VSX1: variants seen among roughly 807,000 people sequenced by gnomAD.
VSX1 encodes the protein homeodomain protein RINX.
A neutral mutation model predicts 23.6 loss-of-function variants in VSX1; 23 were observed. The ratio of observed to expected loss-of-function variants is 0.97; its 90% CI spans 0.70 to 1.38. VSX1 has a LOEUF of 1.38. Among genes scored for constraint, VSX1 ranks in the 40% most tolerant of loss-of-function variants. The pLI is 0.00. For missense variants in VSX1, 517 were observed against 495.4 expected (o/e 1.04, Z -0.41); for synonymous variants, 247 against 215.1 (o/e 1.15, Z -1.30).
Position 25,078,820 on chromosome 20 carries a change from C to A in VSX1, c.627+9G>T. 6.2e-7 allele frequency: 1 copy of A among 1,614,022 alleles called. No homozygotes were observed. Among genetic ancestry groups the A allele is most frequent in the Non-Finnish European group, 8.5e-7 (1 of 1,180,006 alleles). ...TATCTTTGGAGCGGAGAAAAGGGAC[C>A]CCAGACACCTGTATCCGGTCTTCGG... On this transcript the variant is annotated intron_variant, in intron 3 of 4. Coordinates refer to ENST00000376709, the MANE Select transcript of VSX1 (RefSeq NM_014588.6).
In VSX1 at chr20:25,081,963, G is replaced by T; in HGVS notation, c.134C>A (p.Ala45Glu). The T allele has an allele frequency of 2.6e-6, 4 of 1,532,842 alleles. No homozygotes were observed. Among genetic ancestry groups the T allele is most frequent in the Non-Finnish European group, 3.5e-6 (4 of 1,146,096 alleles). 95.0% of individuals were successfully genotyped at this position (1,532,842 alleles called of 1,614,324 possible). Reference protein sequence around the residue: ...DLLGLEAELPAPAGPGQGSGC... With the variant: ...DLLGLEAELPEPAGPGQGSGC... ...AGATCCCTGTCCTGGGCCAGCGGGC[G>T]CCGGCAGCTCGGCCTCCAAGCCCAG... Residue 45 changes from alanine to glutamate, a missense_variant, in exon 1 of 5, where the codon GCG becomes GAG. Physicochemically the swap from Ala to Glu is moderately radical, Grantham distance 107 (BLOSUM62 -1). Coordinates refer to ENST00000376709, the MANE Select transcript of VSX1 (RefSeq NM_014588.6).
downstream of VSX1, among the ~76,000 whole-genome samples, chr20:25,074,312 C>T (rs1334822703): frequency 2.0e-5 from 3 of 152,164 alleles, no homozygotes; most frequent in African/African-American, 7.2e-5. Context: ...GCCTCAAAGA[C>T]TCTGCTCTTA....
intron 1 of VSX1, 168 bp downstream of exon 1, chr20:25,081,505 G>A: frequency 9.7e-7 from 1 of 1,027,282 alleles, no homozygotes; most frequent in Non-Finnish European, 1.5e-6. Flanking sequence ...CAAGGGGCAG[G>A]CGGCGCAGCT....
chr20:25,074,572 T>G (rs1157647466), downstream of VSX1, among the ~76,000 whole-genome samples: 2 of 152,258 alleles, frequency 1.3e-5, no homozygotes, highest in Non-Finnish European at 2.9e-5. Context: ...CATTCTGCTT[T>G]ACATATTTAT....
At chr20:25,073,953 G>A (rs1432204335), downstream of VSX1, among the ~76,000 whole-genome samples, 1 of 152,112 alleles carries the variant, frequency 6.6e-6, no homozygotes, top group Non-Finnish European at 1.5e-5. Context: ...TTAGGGCGAC[G>A]TTTTGCTGTG....
Position 25,078,702 on chromosome 20 carries a change from G to A in VSX1, c.627+127C>T, listed in dbSNP as rs540862655. Reference sequence around the variant, plus strand: ...GCTCTTGTGGTGCCTTCAGCTAAGGGACCCTCAGTTTCTATGCAAAGGGAG... The same window carrying A: ...GCTCTTGTGGTGCCTTCAGCTAAGGAACCCTCAGTTTCTATGCAAAGGGAG... On this transcript the variant is annotated intron_variant, in intron 3 of 4. Coordinates refer to ENST00000376709, the MANE Select transcript of VSX1 (RefSeq NM_014588.6). The A allele has an allele frequency of 7.6e-5, 122 of 1,610,652 alleles. No homozygotes were observed. In the South Asian group the frequency reaches 1.1e-3, roughly 14 times the overall value.
rs567772983 is a variant in VSX1, at chr20:25,076,563, A to T, written c.809-13T>A. The stretch of plus-strand genomic sequence containing the variant: ...TTTTTATGCATCCCTTGTAAAAAAA[A>T]AAATAAAAAGGAAAAAATAAAAATA... On this transcript the variant is annotated splice_polypyrimidine_tract_variant and intron_variant, in intron 4 of 4. Transcript: ENST00000376709. 126 of 1,586,662 alleles carry T rather than the reference A, an allele frequency of 7.9e-5. 1 individual carries two copies. Among genetic ancestry groups the T allele is most frequent in the South Asian group, 7.5e-4 (63 of 84,206 alleles).
In VSX1 at chr20:25,078,027, A is replaced by T. The variant is rs889378954; in HGVS notation, c.628-162T>A. On this transcript the variant is annotated intron_variant, in intron 3 of 4. Transcript: ENST00000376709. Reference sequence around the variant, plus strand: ...TCCCGAGGGCCAACCAGCCGCCCTCAGGGAGAGCGCCCAGGAGCCCCCAGC... The same window carrying T: ...TCCCGAGGGCCAACCAGCCGCCCTCTGGGAGAGCGCCCAGGAGCCCCCAGC... 3.1e-6 allele frequency: 3 copies of T among 978,236 alleles called. No homozygotes were observed. In the African/African-American group the frequency reaches 4.9e-5, roughly 16 times the overall value. The allele number at this position is 978,236 out of a possible 1,614,324, so 60.6% of individuals were successfully genotyped here. A position where few individuals can be genotyped will look rare whatever the true frequency, so the allele number is the denominator to read the frequency against.
At chr20:25,078,670 G>A in intron 3 of VSX1, 159 bp downstream of exon 3, 3 of 1,591,420 alleles carry the variant, frequency 1.9e-6, no homozygotes, top group Non-Finnish European at 2.6e-6. Context: ...GAGGGTCATA[G>A]GGGCAAGCTC....
At chr20:25,081,401 C>T (rs2089638704) in intron 1 of VSX1, 1 of 734,898 alleles carries the variant, frequency 1.4e-6, no homozygotes. Flanking sequence ...ACCCCAGGGT[C>T]TCATCAAAAG....
chr20:25,079,685 C>T (rs6037015), intron 1 of VSX1, among the ~76,000 whole-genome samples, 171 bp from the exon 2 acceptor site: 2,186 of 151,100 alleles, frequency 0.014, 60 homozygotes, highest in African/African-American at 0.049. Flanking sequence ...TTAACACTGT[C>T]CATACATTAT....
intron 3 of VSX1, chr20:25,078,071 G>C: frequency 1.6e-6 from 1 of 637,708 alleles, no homozygotes; most frequent in Non-Finnish European, 2.7e-6. Flanking sequence ...CGTGCGGTCC[G>C]GACTCACGGG....
chr20:25,071,879 A>G, downstream of VSX1: 1 of 715,090 alleles, frequency 1.4e-6, no homozygotes, highest in Non-Finnish European at 2.6e-6. Context: ...ATGCTACCTG[A>G]GCACTTCTCC....
rs200369946 is a variant in VSX1 at position 25,078,844 on chromosome 20, G to A, written c.612C>T (p.Pro204=). 64 of 1,614,114 alleles carry A rather than the reference G, an allele frequency of 4.0e-5. No homozygotes were observed. The highest frequency in any genetic ancestry group is 6.7e-5 in the East Asian group (3 of 44,886). Residue 204 remains proline, a synonymous_variant, in exon 3 of 5, where the codon CCC becomes CCT. Transcript: ENST00000376709. Reference sequence around the variant, plus strand: ...CCCCAGACACCTGTATCCGGTCTTCGGGGAGCTCAGTTTTCACAGCCAGCA... The same window carrying A: ...CCCCAGACACCTGTATCCGGTCTTCAGGGAGCTCAGTTTTCACAGCCAGCA... The part of the protein sequence containing the change: ...REMLAVKTEL[P]EDRIQVWFQN...
In VSX1 at chr20:25,081,912, G is replaced by A; in HGVS notation, c.185C>T (p.Pro62Leu). 2 of 1,529,208 alleles carry A rather than the reference G, an allele frequency of 1.3e-6. No homozygotes were observed. The highest frequency in any genetic ancestry group is 1.2e-5 in the South Asian group (1 of 83,616). 94.7% of individuals were successfully genotyped at this position (1,529,208 alleles called of 1,614,324 possible). A position where few individuals can be genotyped will look rare whatever the true frequency, so the allele number is the denominator to read the frequency against. Residue 62 changes from proline (P) to leucine (L), a missense_variant, in exon 1 of 5, where the codon CCG (proline) becomes CTG (leucine). By Grantham distance (98) the Pro-to-Leu change is moderately conservative (BLOSUM62 -3). Transcript: ENST00000376709. ...GCCGTCAAGCCCCGGGCCCGGGCACGGCGCGACTGCCGGACCCTCGCAGCC... is the reference window on the plus strand; with the variant it reads ...GCCGTCAAGCCCCGGGCCCGGGCACAGCGCGACTGCCGGACCCTCGCAGCC... ...GSGCEGPAVA[P>L]CPGPGLDGSS... is the part of the protein sequence containing the mutation.
chr20:25,081,808 G>A lies in VSX1; in HGVS notation c.289C>T (p.Arg97Ter). The A allele has an allele frequency of 2.7e-6, 4 of 1,503,084 alleles. No individual in the cohort carries two copies. The highest frequency in any genetic ancestry group is 3.5e-6 in the Non-Finnish European group (4 of 1,134,898). The allele number at this position is 1,503,084 out of a possible 1,614,324, so 93.1% of individuals were successfully genotyped here. The change falls in exon 1 of 5, where the codon CGA (arginine) becomes TGA (stop). Residue 97 changes from arginine (R) to a stop codon, truncating the protein, a stop_gained. Transcript: ENST00000376709. LOFTEE classifies it high-confidence loss of function. ...GFGTQPPAAA[R>*]APCLLLADVP... is the part of the protein sequence containing the mutation. ...TCCGCTAGGAGCAGGCAGGGTGCTC[G>A]AGCGGCCGCCGGCGGCTGCGTGCCG...
chr20:25,076,548 T>C lies in VSX1; in HGVS notation c.811A>G (p.Met271Val). The C allele has an allele frequency of 1.3e-6, 2 of 1,586,564 alleles. No homozygotes were observed. The highest frequency in any genetic ancestry group is 1.2e-5 in the South Asian group (1 of 84,896). ...LGSCAPWLLG[M>V]HKKSMGMIRK... Reference sequence around the variant, plus strand: ...ATCATCCCCATGGATTTTTTATGCATCCCTTGTAAAAAAAAAAATAAAAAG... The same window carrying C: ...ATCATCCCCATGGATTTTTTATGCACCCCTTGTAAAAAAAAAAATAAAAAG... Residue 271 changes from methionine (M) to valine (V), a missense_variant and splice_region_variant, in exon 5 of 5, where the codon ATG becomes GTG. Transcript: ENST00000376709.
chr20:25,080,903 AC>A (rs2089625775), intron 1 of VSX1, among the ~76,000 whole-genome samples: 1 of 152,190 alleles, frequency 6.6e-6, no homozygotes, highest in South Asian at 2.1e-4. Context: ...AGATTCTACC[AC>A]ATACCATCCT....
downstream of VSX1, among the ~76,000 whole-genome samples, chr20:25,074,802 T>C (rs2089451561): frequency 1.3e-5 from 2 of 152,122 alleles, no homozygotes; most frequent in East Asian, 3.9e-4. Context: ...GGAGTAAACA[T>C]GAGGAAATGT....
Sources: allele counts gnomAD v4.1 joint callset (sites outside exome capture counted in the v4.1 genomes callset), GRCh38; gene constraint gnomAD v4.1.1; transcripts MANE v1.5; gene names NCBI Gene and HGNC (gene_info 2026-07-23, HGNC 2026-07-21).